Variants in CASR observed in about 807,000 individuals in gnomAD.
The protein encoded by CASR is calcium sensing receptor, also known as extracellular calcium-sensing receptor.
CASR carries 23 observed loss-of-function variants against 69.1 expected under a neutral mutation model. The ratio of observed to expected loss-of-function variants is 0.33; its 90% CI spans 0.24 to 0.47. CASR has a LOEUF of 0.47. Among genes scored for constraint, CASR ranks in the 20% least tolerant of loss-of-function variants. The pLI is 1.00. For synonymous variants in CASR, 541 were observed against 544.7 expected (o/e 0.99, Z 0.10); for missense variants, 924 against 1,356.1 (o/e 0.68, Z 5.00).
At chr3:122,224,558 G>A (rs1313776476) in intron 1 of CASR, among the ~76,000 whole-genome samples, 3 of 152,070 alleles carry the variant, frequency 2.0e-5, no homozygotes, top group Admixed American at 6.6e-5. Flanking sequence ...CAAACAAATG[G>A]AGAAACATTC....
At chr3:122,233,941 C>A (rs1484708529) in intron 1 of CASR, among the ~76,000 whole-genome samples, 1 of 152,220 alleles carries the variant, frequency 6.6e-6, no homozygotes, top group Non-Finnish European at 1.5e-5. Context: ...AAACCAGACT[C>A]CTGGTGCCTC....
intron 1 of CASR, among the ~76,000 whole-genome samples, chr3:122,245,695 A>G (rs1029095954): frequency 9.2e-5 from 14 of 152,156 alleles, no homozygotes; most frequent in African/African-American, 3.4e-4. Flanking sequence ...GTAGGTTACT[A>G]TGGGTGTTTT....
At chr3:122,272,907 C>A (rs2074775890) in intron 4 of CASR, among the ~76,000 whole-genome samples, 1 of 152,208 alleles carries the variant, frequency 6.6e-6, no homozygotes, top group Non-Finnish European at 1.5e-5. Flanking sequence ...CCAGCCCATG[C>A]CAACAATAAT....
chr3:122,216,379 C>T (rs1176569094), intron 1 of CASR, among the ~76,000 whole-genome samples: 1 of 152,188 alleles, frequency 6.6e-6, no homozygotes, highest in African/African-American at 2.4e-5. Context: ...GAATCACTAC[C>T]ACCATTGTTT....
chr3:122,281,088 T>C (rs1490893801), intron 5 of CASR, among the ~76,000 whole-genome samples: 1 of 152,188 alleles, frequency 6.6e-6, no homozygotes, highest in Non-Finnish European at 1.5e-5. Flanking sequence ...GGTGAAGCAA[T>C]GATAAAATTG....
chr3:122,256,939 C>T (rs909921834), intron 2 of CASR, 142 bp from the exon 3 acceptor site: 1 of 740,084 alleles, frequency 1.4e-6, no homozygotes, highest in Admixed American at 2.3e-5. Context: ...CCCATTTTAA[C>T]AGAGAGGGCT....
chr3:122,234,223 G>T (rs1181302591), intron 1 of CASR, among the ~76,000 whole-genome samples: 2 of 152,200 alleles, frequency 1.3e-5, no homozygotes, highest in African/African-American at 4.8e-5. Flanking sequence ...TCCAAGCTTT[G>T]TGGGCCAATC....
chr3:122,244,813 T>C (rs1271922228), intron 1 of CASR, among the ~76,000 whole-genome samples: 1 of 152,090 alleles, frequency 6.6e-6, no homozygotes, highest in Non-Finnish European at 1.5e-5. Flanking sequence ...AAATAGATAA[T>C]AACAAATAGG....
In CASR at chr3:122,284,617, C is replaced by T; in HGVS notation, c.2663C>T (p.Thr888Met). Residue 888 changes from threonine (T) to methionine (M), a missense_variant, in exon 7 of 7, where the codon ACG (threonine) becomes ATG (methionine). Transcript: ENST00000639785. ...GCTTTCAAGGTGGCTGCCCGGGCCACGCTGCGCCGCAGCAACGTCTCCCGC... is the reference window on the plus strand; with the variant it reads ...GCTTTCAAGGTGGCTGCCCGGGCCATGCTGCGCCGCAGCAACGTCTCCCGC... ...AHAFKVAARATLRRSNVSRKR... is the reference protein window; with the variant it reads ...AHAFKVAARAMLRRSNVSRKR... The T allele has an allele frequency of 1.2e-6, 2 of 1,614,094 alleles. No homozygotes were observed. The highest frequency in any genetic ancestry group is 1.7e-6 in the Non-Finnish European group (2 of 1,179,986).
At chr3:122,273,187 A>T (rs966568992) in intron 4 of CASR, among the ~76,000 whole-genome samples, 1 of 152,216 alleles carries the variant, frequency 6.6e-6, no homozygotes, top group Admixed American at 6.5e-5. Context: ...TTCAATAAGG[A>T]TGTATTACTG....
chr3:122,276,738 T>C (rs944719666), intron 5 of CASR, among the ~76,000 whole-genome samples: 1 of 152,202 alleles, frequency 6.6e-6, no homozygotes, highest in Admixed American at 6.5e-5. Flanking sequence ...CCAGGAGACC[T>C]GTAACAAAGA....
At chr3:122,280,212 G>A (rs2055427) in intron 5 of CASR, among the ~76,000 whole-genome samples, 15,344 of 152,092 alleles carry the variant, frequency 0.1, 1,530 homozygotes, top group East Asian at 0.52. Flanking sequence ...AACATACCTC[G>A]AAATAATAAA....
chr3:122,192,859 T>C (rs528067015), intron 1 of CASR, among the ~76,000 whole-genome samples: 4 of 152,320 alleles, frequency 2.6e-5, no homozygotes, highest in African/African-American at 9.6e-5. Context: ...TTCTCTGCTC[T>C]TCTCACGATC....
chr3:122,280,257 C>T (rs2074872278), intron 5 of CASR, among the ~76,000 whole-genome samples: 1 of 152,156 alleles, frequency 6.6e-6, no homozygotes, highest in South Asian at 2.1e-4. Context: ...CAATATCATA[C>T]TGAAAAGGCA....
At chr3:122,282,755 G>T (rs2074907752) in intron 6 of CASR, among the ~76,000 whole-genome samples, 1 of 152,156 alleles carries the variant, frequency 6.6e-6, no homozygotes, top group African/African-American at 2.4e-5. Context: ...TAAAACTTTG[G>T]CATATTAGAA....
intron 1 of CASR, among the ~76,000 whole-genome samples, chr3:122,237,746 A>G (rs2074342150): frequency 6.6e-6 from 1 of 152,224 alleles, no homozygotes; most frequent in Admixed American, 6.5e-5. Context: ...TATAAAAGGA[A>G]GACAAGCAAT....
chr3:122,190,749 A>G (rs1453051278), intron 1 of CASR, among the ~76,000 whole-genome samples: 1 of 152,204 alleles, frequency 6.6e-6, no homozygotes, highest in Admixed American at 6.5e-5. Context: ...TGAATGAACA[A>G]ATCTCAGTAT....
chr3:122,242,790 C>A (rs2074390523), intron 1 of CASR, among the ~76,000 whole-genome samples: 1 of 152,060 alleles, frequency 6.6e-6, no homozygotes, highest in African/African-American at 2.4e-5. Flanking sequence ...AGAAGTATGG[C>A]AACCAAAACA....
At chr3:122,253,883 G>A (rs540503556) in intron 1 of CASR, 65 bp from the exon 2 acceptor site, 7 of 391,544 alleles carry the variant, frequency 1.8e-5, no homozygotes, top group South Asian at 1.7e-4. Flanking sequence ...CACCTTAGTT[G>A]CAGTGGTCAT....
Sources: allele counts gnomAD v4.1 joint callset (sites outside exome capture counted in the v4.1 genomes callset), GRCh38; gene constraint gnomAD v4.1.1; transcripts MANE v1.5; gene names NCBI Gene and HGNC (gene_info 2026-07-23, HGNC 2026-07-21).